The following CTNNA3 variants were observed in gnomAD, a reference collection of about 807,000 sequenced individuals.
CTNNA3 encodes catenin alpha 3.
In CTNNA3, 76 loss-of-function variants were observed where a neutral mutation model predicts 95.7. The observed-to-expected ratio is 0.79, with a 90% CI of 0.66 to 0.96. CTNNA3 has a LOEUF of 0.96. CTNNA3 is among the 40% of genes least tolerant of loss of function. The pLI is 0.00. For missense variants in CTNNA3, 1,191 were observed against 1,089.8 expected, an observed-to-expected ratio of 1.09 and a Z score of -1.31; for synonymous variants, 431 against 374.4, an observed-to-expected ratio of 1.15 and a Z score of -1.74.
At position 65,913,404 on chromosome 10, in the gene CTNNA3, A is replaced by T. The variant is rs1313872322; in HGVS notation, c.*6926T>A. The T allele has an allele frequency of 6.6e-6, 1 of 152,134 alleles. No individual in the cohort carries two copies. Among genetic ancestry groups the T allele is most frequent in the Admixed American group, 6.6e-5 (1 of 15,258 alleles). The allele number at this position is 152,134 out of a possible 1,614,324, so 9.4% of individuals were successfully genotyped here. A position where few individuals can be genotyped will look rare whatever the true frequency, so the allele number is the denominator to read the frequency against. On this transcript the variant is annotated 3_prime_UTR_variant, in exon 18 of 18. Coordinates refer to ENST00000433211, the MANE Select transcript of CTNNA3 (RefSeq NM_013266.4). ...AATATGTCTACTTCTGTTTTCAGGA[A>T]CTTGTTAGTCACGGATATGGAGGAG...
intron 1 of CTNNA3, among the ~76,000 whole-genome samples, chr10:67,743,159 A>G (rs1442899819): frequency 6.6e-6 from 1 of 151,370 alleles, no homozygotes; most frequent in African/African-American, 2.4e-5. Flanking sequence ...TTATGAGGCC[A>G]GCATCATCCT....
intron 5 of CTNNA3, among the ~76,000 whole-genome samples, chr10:67,378,795 A>AT (rs1369898473): frequency 1.3e-5 from 2 of 152,134 alleles, no homozygotes; most frequent in African/African-American, 2.4e-5. Flanking sequence ...TATATACCAC[A>AT]TTTTTTATTT....
chr10:66,888,972 G>A (rs1845153305), intron 7 of CTNNA3, among the ~76,000 whole-genome samples: 2 of 152,174 alleles, frequency 1.3e-5, no homozygotes, highest in Admixed American at 6.6e-5. Context: ...CAACCAAGCT[G>A]TCCTTCACTT....
chr10:66,099,519 A>G (rs1178667775), intron 14 of CTNNA3, among the ~76,000 whole-genome samples: 1 of 152,148 alleles, frequency 6.6e-6, no homozygotes, highest in African/African-American at 2.4e-5. Flanking sequence ...ACCTATCTAA[A>G]TATAATGTTG....
intron 11 of CTNNA3, among the ~76,000 whole-genome samples, chr10:66,420,261 C>A (rs1021408876): frequency 2.6e-5 from 4 of 151,984 alleles, no homozygotes; most frequent in Non-Finnish European, 5.9e-5. Flanking sequence ...TGCAAATGGC[C>A]AACAGGTACA....
At chr10:66,098,925 G>C (rs572908959) in intron 14 of CTNNA3, 5 of 152,222 alleles carry the variant, frequency 3.3e-5, no homozygotes, top group African/African-American at 1.2e-4. Context: ...TGTTCTCATT[G>C]ACCACAGACT....
intron 2 of CTNNA3, among the ~76,000 whole-genome samples, chr10:67,642,401 T>C (rs928040021): frequency 6.6e-6 from 1 of 151,848 alleles, no homozygotes; most frequent in Non-Finnish European, 1.5e-5. Flanking sequence ...AAAGAAGACA[T>C]ACATGCGGCC....
intron 11 of CTNNA3, among the ~76,000 whole-genome samples, chr10:66,515,330 T>C (rs1564504315): frequency 8.4e-6 from 1 of 119,046 alleles, no homozygotes; most frequent in East Asian, 2.3e-4. Context: ...TCCCTCTCTG[T>C]CTCTCTCTCT....
chr10:66,437,377 G>A (rs1190240113), intron 11 of CTNNA3, among the ~76,000 whole-genome samples: 2 of 152,062 alleles, frequency 1.3e-5, no homozygotes, highest in African/African-American at 4.8e-5. Context: ...TGGAGGCTTT[G>A]TTAATTCCTT....
chr10:66,518,808 G>C (rs930977967), intron 11 of CTNNA3, among the ~76,000 whole-genome samples: 8 of 151,746 alleles, frequency 5.3e-5, no homozygotes, highest in African/African-American at 1.9e-4. Flanking sequence ...GGAATCAAAG[G>C]CCATTAATTT....
At chr10:67,234,464 C>T (rs10997588) in intron 5 of CTNNA3, among the ~76,000 whole-genome samples, 28,822 of 152,086 alleles carry the variant, frequency 0.19, 3,210 homozygotes, top group African/African-American at 0.32. Flanking sequence ...AATTCAACAA[C>T]CTTCATGCTA....
chr10:67,502,227 C>G (rs2133105825), intron 5 of CTNNA3, among the ~76,000 whole-genome samples: 1 of 152,284 alleles, frequency 6.6e-6, no homozygotes, highest in South Asian at 2.1e-4. Flanking sequence ...GGTCAGGCCC[C>G]TCTCCTGCAG....
At chr10:67,696,373 A>G (rs970637690), upstream of CTNNA3, among the ~76,000 whole-genome samples, 2 of 152,232 alleles carry the variant, frequency 1.3e-5, no homozygotes, top group African/African-American at 4.8e-5. Context: ...TTTCCAAAAG[A>G]AGAACCTCTT....
At chr10:67,581,152 T>C (rs917092875) in intron 3 of CTNNA3, among the ~76,000 whole-genome samples, 9 of 152,218 alleles carry the variant, frequency 5.9e-5, no homozygotes, top group Admixed American at 5.9e-4. Context: ...TCAAAGGGAA[T>C]GCTTCCGGTT....
chr10:65,977,115 T>C (rs1365790459), intron 16 of CTNNA3, among the ~76,000 whole-genome samples: 3 of 152,188 alleles, frequency 2.0e-5, no homozygotes, highest in African/African-American at 4.8e-5. Context: ...GTTTCTCAAG[T>C]AACATTTGCT....
chr10:66,783,521 C>A (rs914672175), intron 7 of CTNNA3, among the ~76,000 whole-genome samples: 2 of 152,056 alleles, frequency 1.3e-5, no homozygotes, highest in Non-Finnish European at 2.9e-5. Flanking sequence ...CAGCAGCCAG[C>A]TTTAGAAAAG....
chr10:66,624,721 G>A (rs1476248756), intron 9 of CTNNA3, among the ~76,000 whole-genome samples: 1 of 152,108 alleles, frequency 6.6e-6, no homozygotes, highest in African/African-American at 2.4e-5. Context: ...TCACCATTTT[G>A]TGACATTTAA....
chr10:66,265,190 T>C (rs527545613), intron 13 of CTNNA3, among the ~76,000 whole-genome samples: 3 of 152,078 alleles, frequency 2.0e-5, no homozygotes, highest in African/African-American at 7.2e-5. Flanking sequence ...AACAAACCTA[T>C]TATGGTTACT....
intron 5 of CTNNA3, among the ~76,000 whole-genome samples, chr10:67,435,224 C>T (rs1846260547): frequency 6.6e-6 from 1 of 151,924 alleles, no homozygotes; most frequent in African/African-American, 2.4e-5. Context: ...TTTCTGGCAA[C>T]AGCTCTGAAG....
Sources: gnomAD v4.1 joint callset for allele counts (sites outside exome capture counted in the v4.1 genomes callset) on GRCh38, gnomAD v4.1.1 for gene constraint, MANE v1.5 for transcripts, NCBI Gene and HGNC (gene_info 2026-07-23, HGNC 2026-07-21) for gene names.